The following CSMD1 variants were observed in gnomAD, a reference collection of about 807,000 sequenced individuals.
CSMD1 encodes the protein CUB and sushi domain-containing protein 1.
CSMD1 carries 213 observed loss-of-function variants against 417.5 expected under a neutral mutation model. The ratio of observed to expected loss-of-function variants is 0.51; its 90% CI spans 0.46 to 0.57. The LOEUF is 0.57. CSMD1 is among the 20% of genes least tolerant of loss of function. The pLI, the probability that CSMD1 is intolerant of heterozygous loss-of-function variation, is 0.00. For missense variants in CSMD1, 6,923 were observed against 4,529.7 expected (o/e 1.53, Z -15.17); for synonymous variants, 2,862 against 1,736.8 (o/e 1.65, Z -16.11).
chr8:4,256,930 T>A (rs1045591905), intron 3 of CSMD1, among the ~76,000 whole-genome samples: 2 of 152,152 alleles, frequency 1.3e-5, no homozygotes, highest in Non-Finnish European at 2.9e-5. Flanking sequence ...TTCCTTCCGC[T>A]TTCCCTCCGT....
chr8:4,381,241 G>A (rs187053163), intron 3 of CSMD1, among the ~76,000 whole-genome samples: 2 of 152,276 alleles, frequency 1.3e-5, no homozygotes, highest in African/African-American at 2.4e-5. Flanking sequence ...GAGATTAGGG[G>A]AGCATCTGAG....
At chr8:3,976,322 G>A (rs960480616) in intron 5 of CSMD1, among the ~76,000 whole-genome samples, 4 of 152,088 alleles carry the variant, frequency 2.6e-5, no homozygotes, top group Non-Finnish European at 5.9e-5. Flanking sequence ...TAGAGTCAAT[G>A]CGTTTTTAAT....
chr8:3,157,051 G>C (rs1439516157), intron 39 of CSMD1, among the ~76,000 whole-genome samples: 1 of 151,804 alleles, frequency 6.6e-6, no homozygotes, highest in Non-Finnish European at 1.5e-5. Context: ...GTAGATCCAG[G>C]AGAACAACAA....
intron 1 of CSMD1, among the ~76,000 whole-genome samples, chr8:4,906,760 A>G (rs1011071275): frequency 1.3e-5 from 2 of 152,106 alleles, no homozygotes; most frequent in Non-Finnish European, 2.9e-5. Context: ...GGGTTTCACC[A>G]TGCTGGCCAG....
rs755384385 is a variant in CSMD1 at position 2,950,287 on chromosome 8, G to C, written c.10258C>G (p.Gln3420Glu). ...LLLKAFQIKG[Q>E]ADIFVSKFEN... ...AACTTGCTTACAAAAATATCTGCCT[G>C]GCCTTTAATTTGAAAAGCTTTCAGG... is the stretch of plus-strand genomic sequence containing the variant. Residue 3420 changes from glutamine (Q) to glutamate (E), a missense_variant, in exon 67 of 70, where the codon CAG becomes GAG. Gln to Glu is a conservative substitution (Grantham distance 29). Coordinates refer to ENST00000635120, the MANE Select transcript of CSMD1 (RefSeq NM_033225.6). The C allele has an allele frequency of 6.2e-7, 1 of 1,613,396 alleles. No individual in the cohort carries two copies. The highest frequency in any genetic ancestry group is 8.5e-7 in the Non-Finnish European group (1 of 1,179,438).
intron 26 of CSMD1, among the ~76,000 whole-genome samples, chr8:3,270,715 C>A (rs1300521536): frequency 6.6e-6 from 1 of 152,084 alleles, no homozygotes; most frequent in Non-Finnish European, 1.5e-5. Context: ...TATTTATCAA[C>A]AGTGGATGTA....
chr8:2,958,845 C>T (rs1803225550), intron 62 of CSMD1, among the ~76,000 whole-genome samples: 1 of 152,156 alleles, frequency 6.6e-6, no homozygotes, highest in Admixed American at 6.5e-5. Flanking sequence ...TGCCTTCTCA[C>T]AGGCATAAGC....
intron 23 of CSMD1, among the ~76,000 whole-genome samples, chr8:3,311,998 A>C (rs1563259655): frequency 6.6e-6 from 1 of 152,216 alleles, no homozygotes; most frequent in Admixed American, 6.5e-5. Context: ...CTAAAATCCA[A>C]AAATAGGCTT....
intron 3 of CSMD1, among the ~76,000 whole-genome samples, chr8:4,323,563 T>C (rs1173525894): frequency 1.3e-5 from 2 of 152,182 alleles, no homozygotes; most frequent in East Asian, 3.9e-4. Flanking sequence ...TTGGGTCATA[T>C]ATCTGCTTTC....
chr8:4,919,236 T>C (rs1806273746), intron 1 of CSMD1, among the ~76,000 whole-genome samples: 1 of 152,182 alleles, frequency 6.6e-6, no homozygotes, highest in East Asian at 1.9e-4. Context: ...ATAGCTACAA[T>C]TCAGAAATAA....
At chr8:4,074,897 A>C (rs1314789118) in intron 3 of CSMD1, among the ~76,000 whole-genome samples, 5 of 152,064 alleles carry the variant, frequency 3.3e-5, no homozygotes, top group African/African-American at 1.2e-4. Context: ...TCCACGTGGC[A>C]GAAGTAGTTT....
In CSMD1 at chr8:3,354,861, A is replaced by AGATATACATATATC. The variant is rs1563303852; in HGVS notation, c.3304+4290_3304+4291insGATATATGTATATC. Among the ~76,000 whole-genome samples the AGATATACATATATC allele has an allele frequency of 1.0e-3, 60 of 59,074 alleles. 2 individuals are homozygous for AGATATACATATATC. Among genetic ancestry groups the AGATATACATATATC allele is most frequent in the African/African-American group, 4.9e-3 (52 of 10,512 alleles). 38.8% of individuals were successfully genotyped at this position (59,074 alleles called of 152,430 possible). A position where few individuals can be genotyped will look rare whatever the true frequency, so the allele number is the denominator to read the frequency against. On this transcript the variant is annotated intron_variant, in intron 21 of 69. Coordinates refer to ENST00000635120, the MANE Select transcript of CSMD1 (RefSeq NM_033225.6). Reference sequence around the variant, plus strand: ...TAGATACACTAAACCCTCTCCCTATATATAGATATACATATATCTATAGAT... The same window carrying AGATATACATATATC: ...TAGATACACTAAACCCTCTCCCTATAGATATACATATATCTATAGATATACATATATCTATAGAT...
intron 3 of CSMD1, among the ~76,000 whole-genome samples, chr8:4,200,069 T>C (rs994090274): frequency 2.0e-5 from 3 of 152,212 alleles, no homozygotes; most frequent in East Asian, 1.9e-4. Flanking sequence ...TATCAACAAA[T>C]CATCCTCTTT....
chr8:4,405,314 T>C (rs938519828), intron 3 of CSMD1, among the ~76,000 whole-genome samples: 1 of 151,710 alleles, frequency 6.6e-6, no homozygotes, highest in Non-Finnish European at 1.5e-5. Flanking sequence ...TTCCACTTAG[T>C]TTTTTTCTCA....
chr8:4,933,724 T>G (rs1296464199), intron 1 of CSMD1, among the ~76,000 whole-genome samples: 1 of 152,144 alleles, frequency 6.6e-6, no homozygotes, highest in Non-Finnish European at 1.5e-5. Flanking sequence ...AATGCACAGA[T>G]GGTGGTGAAA....
chr8:3,308,433 G>C lies in CSMD1; in HGVS notation c.3702C>G (p.His1234Gln). 1.2e-6 allele frequency: 2 copies of C among 1,613,846 alleles called. No individual in the cohort carries two copies. Among genetic ancestry groups the C allele is most frequent in the Non-Finnish European group, 1.7e-6 (2 of 1,179,808 alleles). The change falls in exon 24 of 70, where the codon CAC (histidine) becomes CAG (glutamine). Residue 1234 changes from histidine to glutamine, a missense_variant. Physicochemically the swap from His to Gln is conservative, Grantham distance 24. Coordinates refer to ENST00000635120, the MANE Select transcript of CSMD1 (RefSeq NM_033225.6). The stretch of plus-strand genomic sequence containing the variant: ...TGTACAGAACTACAGTGTCGGTAAA[G>C]TGGCCTTCATCACGGATCCTATAGC... ...NYGYRIRDEG[H>Q]FTDTVVLYSC...
At chr8:4,488,766 G>A (rs921092276) in intron 2 of CSMD1, among the ~76,000 whole-genome samples, 7 of 152,084 alleles carry the variant, frequency 4.6e-5, no homozygotes, top group East Asian at 1.9e-4. Context: ...GCTATGACCC[G>A]CGTCCTGCGT....
chr8:3,168,369 G>C (rs527734821), intron 37 of CSMD1, among the ~76,000 whole-genome samples: 1 of 152,256 alleles, frequency 6.6e-6, no homozygotes, highest in East Asian at 1.9e-4. Context: ...TCTTTTTCTA[G>C]ATGCGCACAG....
At chr8:4,543,671 GAAAAAA>G (rs35739254) in intron 2 of CSMD1, among the ~76,000 whole-genome samples, 23 of 57,314 alleles carry the variant, frequency 4.0e-4, no homozygotes, top group African/African-American at 7.8e-4. Context: ...GTTTAATTTT[GAAAAAA>G]AAAAAAAAAA....
Sources: gnomAD v4.1 joint callset for allele counts (sites outside exome capture counted in the v4.1 genomes callset) on GRCh38, gnomAD v4.1.1 for gene constraint, MANE v1.5 for transcripts, NCBI Gene and HGNC (gene_info 2026-07-23, HGNC 2026-07-21) for gene names.